Variants in STXBP5L observed in about 807,000 individuals in gnomAD.
STXBP5L encodes syntaxin binding protein 5L, also known as syntaxin-binding protein 5-like.
In STXBP5L, 65 loss-of-function variants were observed where a neutral mutation model predicts 144.5. The ratio of observed to expected loss-of-function variants is 0.45; its 90% CI spans 0.37 to 0.55. The LOEUF (loss-of-function observed/expected upper bound fraction) is 0.55, where lower values mean the gene tolerates loss of function less well. STXBP5L is among the 20% of genes least tolerant of loss of function. The pLI is 0.00. For missense variants in STXBP5L, 1,298 were observed against 1,405.5 expected (o/e 0.92, Z 1.22); for synonymous variants, 505 against 469.6 (o/e 1.08, Z -0.97).
intron 9 of STXBP5L, among the ~76,000 whole-genome samples, chr3:121,175,857 T>TAAA (rs34893213): frequency 7.1e-6 from 1 of 140,398 alleles, no homozygotes. Flanking sequence ...AAGTTGACAG[T>TAAA]AAAAAAAAAA....
At chr3:121,106,573 T>C (rs1006275925) in intron 5 of STXBP5L, among the ~76,000 whole-genome samples, 2 of 152,190 alleles carry the variant, frequency 1.3e-5, no homozygotes, top group African/African-American at 4.8e-5. Context: ...AAGATCATGA[T>C]CTCATTCTTT....
In STXBP5L at chr3:120,970,396, CTGTT is replaced by C. The variant is rs535307993; in HGVS notation, c.287+15366_287+15369del. On this transcript the variant is annotated intron_variant, in intron 3 of 26. Transcript: ENST00000471454. ...ACATTTTGATGAATTCTCTCAGCTT[CTGTT>C]TGTTTGGGAATCTTTGAATGTGTTT... Among the ~76,000 whole-genome samples, 260 of 152,106 alleles carry C rather than the reference CTGTT, an allele frequency of 1.7e-3. 1 individual carries two copies. Among genetic ancestry groups the C allele is most frequent in the Middle Eastern group, 6.8e-3 (2 of 294 alleles).
At chr3:121,355,979 G>T (rs184480537) in intron 20 of STXBP5L, among the ~76,000 whole-genome samples, 31 of 152,270 alleles carry the variant, frequency 2.0e-4, no homozygotes, top group Admixed American at 5.9e-4. Flanking sequence ...TTTGCTGGAG[G>T]CCCACTCGAG....
chr3:121,267,882 G>C (rs1233522715), intron 18 of STXBP5L, among the ~76,000 whole-genome samples: 3 of 152,150 alleles, frequency 2.0e-5, no homozygotes, highest in Non-Finnish European at 4.4e-5. Flanking sequence ...AGTTAGAATG[G>C]TGATTATTAA....
rs188252672 is a variant in STXBP5L, at chr3:121,335,317, A to G, written c.2176+16777A>G. ...TAAAGAAAACAGAGATGACACAAAC[A>G]AATGGAAAAATATCCACGTTCATGG... On this transcript the variant is annotated intron_variant, in intron 20 of 26. Coordinates refer to ENST00000471454, the MANE Select transcript of STXBP5L (RefSeq NM_001308330.2). Among the ~76,000 whole-genome samples, 27 of 152,312 alleles carry G rather than the reference A, an allele frequency of 1.8e-4. No individual in the cohort carries two copies. In the East Asian group the frequency reaches 5.2e-3, roughly 29 times the overall value.
At chr3:121,199,449 T>G (rs188448000) in intron 9 of STXBP5L, among the ~76,000 whole-genome samples, 70 of 152,298 alleles carry the variant, frequency 4.6e-4, no homozygotes, top group African/African-American at 1.7e-3. Context: ...TGACTTCCTC[T>G]TTTCCTAACT....
intron 20 of STXBP5L, among the ~76,000 whole-genome samples, chr3:121,363,670 T>A (rs2045781960): frequency 6.6e-6 from 1 of 151,734 alleles, no homozygotes; most frequent in Admixed American, 6.6e-5. Flanking sequence ...TTTTTCTATC[T>A]CCTTAGTGCC....
chr3:121,127,992 C>A (rs761454608), intron 7 of STXBP5L, among the ~76,000 whole-genome samples: 3 of 152,058 alleles, frequency 2.0e-5, no homozygotes, highest in Non-Finnish European at 4.4e-5. Flanking sequence ...AGAATCAGAT[C>A]TCAGATCTCA....
At chr3:120,970,050 G>A (rs1940059694) in intron 3 of STXBP5L, among the ~76,000 whole-genome samples, 1 of 151,982 alleles carries the variant, frequency 6.6e-6, no homozygotes. Flanking sequence ...GAGAAGAAAA[G>A]TATTATAAGA....
intron 20 of STXBP5L, among the ~76,000 whole-genome samples, chr3:121,342,414 G>A (rs867483898): frequency 2.6e-5 from 4 of 151,738 alleles, no homozygotes; most frequent in Non-Finnish European, 5.9e-5. Context: ...AGTTACATAT[G>A]TATACATGTG....
intron 10 of STXBP5L, among the ~76,000 whole-genome samples, chr3:121,213,082 G>A (rs1393168401): frequency 6.6e-6 from 1 of 152,198 alleles, no homozygotes; most frequent in Admixed American, 6.5e-5. Context: ...CTTTGCTGAA[G>A]TTGCTTATCA....
In STXBP5L at chr3:121,381,317, G is replaced by T. The variant is rs200186528; in HGVS notation, c.2372G>T (p.Arg791Leu). 1 of 1,580,746 alleles carries T rather than the reference G, an allele frequency of 6.3e-7. No individual in the cohort carries two copies. Among genetic ancestry groups the T allele is most frequent in the Non-Finnish European group, 8.5e-7 (1 of 1,170,494 alleles). Reference sequence around the variant, plus strand: ...GAAAACCGAGAAAATTCCTATAATCGTTCTAGAAGCTCTAGTATCTCCAGT... The same window carrying T: ...GAAAACCGAGAAAATTCCTATAATCTTTCTAGAAGCTCTAGTATCTCCAGT... Reference protein sequence around the residue: ...TEENRENSYNRSRSSSISSID... With the variant: ...TEENRENSYNLSRSSSISSID... Residue 791 changes from arginine (R) to leucine (L), a missense_variant, in exon 22 of 27, where the codon CGT becomes CTT. Arg to Leu is a moderately radical substitution (Grantham distance 102, BLOSUM62 -2). Coordinates refer to ENST00000471454, the MANE Select transcript of STXBP5L (RefSeq NM_001308330.2).
intron 9 of STXBP5L, among the ~76,000 whole-genome samples, chr3:121,169,091 G>A (rs959943819): frequency 6.6e-6 from 1 of 152,148 alleles, no homozygotes; most frequent in African/African-American, 2.4e-5. Context: ...GCCAAACTAA[G>A]CTTCATAAGC....
At chr3:121,331,099 G>A (rs190825076) in intron 20 of STXBP5L, among the ~76,000 whole-genome samples, 1 of 152,182 alleles carries the variant, frequency 6.6e-6, no homozygotes, top group Non-Finnish European at 1.5e-5. Context: ...TGCGGCTAGG[G>A]GAAGAGGGAG....
chr3:121,379,501 T>C (rs2046274941), intron 21 of STXBP5L, among the ~76,000 whole-genome samples: 1 of 151,982 alleles, frequency 6.6e-6, no homozygotes, highest in Admixed American at 6.6e-5. Flanking sequence ...GAGAAAGAGA[T>C]AGGAAAAAAA....
intron 14 of STXBP5L, among the ~76,000 whole-genome samples, chr3:121,243,543 A>AC (rs1460937739): frequency 1.0e-3 from 103 of 101,398 alleles, no homozygotes; most frequent in African/African-American, 2.9e-3. Context: ...TCAAAGAGAC[A>AC]AAAAAAAAAA....
At chr3:121,137,023 C>T (rs911699380) in intron 7 of STXBP5L, among the ~76,000 whole-genome samples, 1 of 152,050 alleles carries the variant, frequency 6.6e-6, no homozygotes, top group African/African-American at 2.4e-5. Context: ...GGGAGCTAAA[C>T]GTTGTGTACA....
chr3:121,278,577 A>G (rs746641647), intron 18 of STXBP5L, among the ~76,000 whole-genome samples: 2 of 151,982 alleles, frequency 1.3e-5, no homozygotes, highest in Non-Finnish European at 2.9e-5. Flanking sequence ...AACTGGTAAC[A>G]TGTATAATAT....
At chr3:121,261,945 A>G (rs1271374616) in intron 18 of STXBP5L, among the ~76,000 whole-genome samples, 1 of 152,198 alleles carries the variant, frequency 6.6e-6, no homozygotes, top group Non-Finnish European at 1.5e-5. Flanking sequence ...AGAAAGTCCA[A>G]AATCAAGGTC....
Sources: gnomAD v4.1 joint callset for allele counts (sites outside exome capture counted in the v4.1 genomes callset) on GRCh38, gnomAD v4.1.1 for gene constraint, MANE v1.5 for transcripts, NCBI Gene and HGNC (gene_info 2026-07-23, HGNC 2026-07-21) for gene names.